The following GNPAT variants were observed in gnomAD, a reference collection of about 807,000 sequenced individuals.
The protein encoded by GNPAT is dihydroxyacetone phosphate acyltransferase.
Under a neutral mutation model 78.4 loss-of-function variants are expected in GNPAT, and 30 were observed. The ratio of observed to expected loss-of-function variants is 0.38; its 90% CI spans 0.29 to 0.52. The LOEUF (loss-of-function observed/expected upper bound fraction) is 0.52. Among genes scored for constraint, GNPAT ranks in the 20% least tolerant of loss-of-function variants. GNPAT has a pLI of 0.84. For synonymous variants in GNPAT, 271 were observed against 281.1 expected, an observed-to-expected ratio of 0.96 and a Z score of 0.36; for missense variants, 714 against 812.2, an observed-to-expected ratio of 0.88 and a Z score of 1.47.
chr1:231,264,213 AGTTTTATG>A (rs1685308486), intron 4 of GNPAT, among the ~76,000 whole-genome samples: 1 of 152,126 alleles, frequency 6.6e-6, no homozygotes, highest in Non-Finnish European at 1.5e-5. Context: ...TTATCCTAAG[AGTTTTATG>A]GTTTCAGGTC....
intron 3 of GNPAT, among the ~76,000 whole-genome samples, chr1:231,262,267 A>G (rs1356608044): frequency 1.3e-5 from 2 of 152,230 alleles, no homozygotes; most frequent in African/African-American, 4.8e-5. Flanking sequence ...CAACCAACCA[A>G]TTCAATACAG....
At chr1:231,255,794 C>T (rs1194437865) in intron 2 of GNPAT, among the ~76,000 whole-genome samples, 8 of 152,188 alleles carry the variant, frequency 5.3e-5, no homozygotes, top group African/African-American at 1.9e-4. Context: ...ATTTACTACT[C>T]AACTTGCTGG....
In GNPAT at chr1:231,270,745, T is replaced by C; in HGVS notation, c.1280-13T>C. ...TGACCCATCTTGTTTGAATGAATTG[T>C]CTTTGTGTGTAGATAATAAACCTGC... On this transcript the variant is annotated splice_polypyrimidine_tract_variant and intron_variant, in intron 9 of 15. Transcript: ENST00000366647. 1.2e-6 allele frequency: 2 copies of C among 1,613,972 alleles called. No homozygotes were observed. Among genetic ancestry groups the C allele is most frequent in the South Asian group, 2.2e-5 (2 of 91,076 alleles).
At chr1:231,273,819 A>T in intron 11 of GNPAT, 103 bp from the exon 12 acceptor site, 1 of 878,294 alleles carries the variant, frequency 1.1e-6, no homozygotes, top group South Asian at 1.4e-5. Context: ...ATATATTCAG[A>T]TAGGCAGTGT....
rs541263790 is a variant in GNPAT, at chr1:231,268,186, C to G, written c.1279+283C>G. On this transcript the variant is annotated intron_variant, in intron 9 of 15. Coordinates refer to ENST00000366647, the MANE Select transcript of GNPAT (RefSeq NM_014236.4). ...GGCGTGGTGGTAGGCGCCTGTAGTC[C>G]CAGCTACTCGGGAGGCTGAGGCAGG... is the stretch of plus-strand genomic sequence containing the variant. Among the ~76,000 whole-genome samples, 111 of 152,190 alleles carry G rather than the reference C, an allele frequency of 7.3e-4. 1 individual carries two copies. Among genetic ancestry groups the G allele is most frequent in the African/African-American group, 2.6e-3 (107 of 41,518 alleles).
At chr1:231,260,162 T>G (rs942728402) in intron 2 of GNPAT, among the ~76,000 whole-genome samples, 2 of 152,184 alleles carry the variant, frequency 1.3e-5, no homozygotes, top group African/African-American at 2.4e-5. Flanking sequence ...AGCAATACAC[T>G]GAGAGAAGCC....
rs752586435 is a variant in GNPAT at position 231,265,377 on chromosome 1, T to G, written c.653T>G (p.Leu218Arg). The change falls in exon 5 of 16, where the codon CTC (leucine) becomes CGC (arginine). Residue 218 changes from leucine (L) to arginine (R), a missense_variant. Transcript: ENST00000366647. ...FMRRTFGGNK[L>R]YWAVFSEYVK... Reference sequence around the variant, plus strand: ...CGGCGTACCTTTGGTGGCAATAAACTCTACTGGGCTGTATTCTCTGAATAT... The same window carrying G: ...CGGCGTACCTTTGGTGGCAATAAACGCTACTGGGCTGTATTCTCTGAATAT... 2 of 1,609,378 alleles carry G rather than the reference T, an allele frequency of 1.2e-6. No homozygotes were observed. Among genetic ancestry groups the G allele is most frequent in the Non-Finnish European group, 1.7e-6 (2 of 1,175,728 alleles).
At chr1:231,249,428 T>TTTC in intron 1 of GNPAT, among the ~76,000 whole-genome samples, 1 of 152,236 alleles carries the variant, frequency 6.6e-6, no homozygotes, top group Admixed American at 6.5e-5. Context: ...CATTCTGTAT[T>TTTC]TTCTTCTATT....
chr1:231,259,032 A>C (rs1685146729), intron 2 of GNPAT, among the ~76,000 whole-genome samples: 1 of 152,090 alleles, frequency 6.6e-6, no homozygotes, highest in South Asian at 2.1e-4. Flanking sequence ...GCTTTAATTC[A>C]TATCATCCCT....
At chr1:231,258,622 ATTTTTTT>A (rs748666053) in intron 2 of GNPAT, among the ~76,000 whole-genome samples, 19 of 73,788 alleles carry the variant, frequency 2.6e-4, no homozygotes, top group East Asian at 1.9e-3. Context: ...TTTTAATGCA[ATTTTTTT>A]TTTTTTTTTT....
At chr1:231,257,309 C>T (rs58478030) in intron 2 of GNPAT, among the ~76,000 whole-genome samples, 3,464 of 152,266 alleles carry the variant, frequency 0.023, 51 homozygotes, top group Middle Eastern at 0.085. Context: ...TGCCTCGTTT[C>T]CCTCTTTCCC....
intron 10 of GNPAT, among the ~76,000 whole-genome samples, chr1:231,271,601 C>G (rs1685568107): frequency 6.6e-6 from 1 of 152,090 alleles, no homozygotes; most frequent in African/African-American, 2.4e-5. Flanking sequence ...TTTGGCTTTT[C>G]AAAGCTCCAC....
chr1:231,249,498 C>T (rs1300384287), intron 1 of GNPAT, among the ~76,000 whole-genome samples: 1 of 152,068 alleles, frequency 6.6e-6, no homozygotes, highest in East Asian at 1.9e-4. Flanking sequence ...TGCTATATTC[C>T]AAATAAAACC....
chr1:231,255,932 C>T (rs1291877475), intron 2 of GNPAT, among the ~76,000 whole-genome samples: 1 of 152,148 alleles, frequency 6.6e-6, no homozygotes, highest in Non-Finnish European at 1.5e-5. Context: ...CTTTTCATGA[C>T]ACCATACCAT....
chr1:231,265,577 CT>C, intron 5 of GNPAT, 134 bp from the exon 6 acceptor site: 1 of 891,180 alleles, frequency 1.1e-6, no homozygotes, highest in Non-Finnish European at 1.9e-6. Flanking sequence ...GTGTGACTCT[CT>C]TGTTTAATTT....
At chr1:231,259,566 G>C (rs1685163258) in intron 2 of GNPAT, among the ~76,000 whole-genome samples, 1 of 149,854 alleles carries the variant, frequency 6.7e-6, no homozygotes, top group Non-Finnish European at 1.5e-5. Flanking sequence ...AGAATCGCTT[G>C]AACCCGGGAA....
intron 5 of GNPAT, 86 bp downstream of exon 5, chr1:231,265,506 A>G: frequency 8.5e-7 from 1 of 1,183,364 alleles, no homozygotes. Flanking sequence ...TCTGAATAGA[A>G]CACTTAGCTA....
intron 1 of GNPAT, among the ~76,000 whole-genome samples, chr1:231,250,535 A>G (rs482031): frequency 0.59 from 89,885 of 151,966 alleles, 27,029 homozygotes; most frequent in African/African-American, 0.69. Context: ...GCACCCATAT[A>G]GTTTTGTTTT....
At chr1:231,275,520 A>G (rs770274882) in intron 14 of GNPAT, 22 bp downstream of exon 14, 44 of 1,288,326 alleles carry the variant, frequency 3.4e-5, no homozygotes, top group African/African-American at 5.8e-5. Flanking sequence ...ACAAGATCCC[A>G]TGAGTGCTCA....
Sources: allele counts gnomAD v4.1 joint callset (sites outside exome capture counted in the v4.1 genomes callset), GRCh38; gene constraint gnomAD v4.1.1; transcripts MANE v1.5; gene names NCBI Gene and HGNC (gene_info 2026-07-23, HGNC 2026-07-21).